DEPDC4: variants seen among roughly 807,000 people sequenced by gnomAD.
The protein encoded by DEPDC4 is DEP domain-containing protein 4.
A neutral mutation model predicts 52.0 loss-of-function variants in DEPDC4; 52 were observed. The observed-to-expected ratio is 1.00, with a 90% confidence interval of 0.80 to 1.26. The LOEUF (loss-of-function observed/expected upper bound fraction) is 1.26. Ranked by LOEUF, DEPDC4 falls within the 50% of genes most tolerant of loss-of-function variation. The probability of loss-of-function intolerance (pLI) is 0.00; values close to 1 mark genes in which losing one functional copy is unlikely to be tolerated. For missense variants in DEPDC4, 530 were observed against 546.9 expected, an observed-to-expected ratio of 0.97 and a Z score of 0.31; for synonymous variants, 201 against 196.8, an observed-to-expected ratio of 1.02 and a Z score of -0.18.
At chr12:100,232,175 T>C (rs775379794) in intron 9 of DEPDC4, among the ~76,000 whole-genome samples, 1 of 152,020 alleles carries the variant, frequency 6.6e-6, no homozygotes, top group East Asian at 1.9e-4. Flanking sequence ...GCAGATCACC[T>C]GAGGTCAGGA....
the DEPDC4 span, among the ~76,000 whole-genome samples, chr12:100,273,083 T>A: frequency 6.6e-6 from 1 of 152,136 alleles, no homozygotes; most frequent in Non-Finnish European, 1.5e-5. Flanking sequence ...AGTATATCTT[T>A]CACTCTGCTT....
chr12:100,276,582 C>T, the DEPDC4 span, among the ~76,000 whole-genome samples: 1 of 152,190 alleles, frequency 6.6e-6, no homozygotes, highest in African/African-American at 2.4e-5. Context: ...AAGTGATCCT[C>T]CTGCTTTAGT....
At chr12:100,244,104 T>C (rs1224206319) in intron 8 of DEPDC4, among the ~76,000 whole-genome samples, 9 of 62,300 alleles carry the variant, frequency 1.4e-4, no homozygotes, top group African/African-American at 8.8e-4. Context: ...TGTATATATA[T>C]ATATATATAT....
At chr12:100,263,060 C>T (rs2096259237) in intron 2 of DEPDC4, among the ~76,000 whole-genome samples, 1 of 152,158 alleles carries the variant, frequency 6.6e-6, no homozygotes, top group Admixed American at 6.6e-5. Flanking sequence ...CCAGCTCAAG[C>T]GATTCTTGTG....
chr12:100,252,589 T>C (rs375088005), intron 5 of DEPDC4, 53 bp from the exon 6 acceptor site: 4 of 1,509,464 alleles, frequency 2.6e-6, no homozygotes, highest in Non-Finnish European at 3.6e-6. Context: ...ATGGAGAGTA[T>C]AGTAAGTATT....
At chr12:100,266,302 G>A (rs1202778187) in intron 1 of DEPDC4, among the ~76,000 whole-genome samples, 1 of 152,136 alleles carries the variant, frequency 6.6e-6, no homozygotes, top group African/African-American at 2.4e-5. Flanking sequence ...TGTAACAGAA[G>A]TTACCCGTCT....
upstream of DEPDC4, chr12:100,267,932 A>C (rs1163350726): frequency 1.3e-5 from 2 of 152,226 alleles, no homozygotes; most frequent in Non-Finnish European, 2.9e-5. Context: ...TGGGTGGGGC[A>C]GGGGTTTTGT....
At chr12:100,232,066 A>G (rs550847591) in intron 9 of DEPDC4, among the ~76,000 whole-genome samples, 2 of 152,340 alleles carry the variant, frequency 1.3e-5, no homozygotes, top group African/African-American at 4.8e-5. Context: ...GGAAAATGCT[A>G]ATAGAAACTT....
chr12:100,267,157 C>A (rs2096278104), upstream of DEPDC4: 2 of 1,475,970 alleles, frequency 1.4e-6, no homozygotes, highest in East Asian at 2.3e-5. Context: ...GACGTCATGC[C>A]CCCGGCCGGC....
the DEPDC4 span, among the ~76,000 whole-genome samples, chr12:100,281,268 A>G: frequency 6.6e-6 from 1 of 151,970 alleles, no homozygotes. Context: ...AGCTCAAGTG[A>G]TCCACCTCCA....
intron 7 of DEPDC4, 83 bp downstream of exon 7, chr12:100,252,093 T>A: frequency 4.7e-6 from 5 of 1,062,850 alleles, no homozygotes; most frequent in Non-Finnish European, 4.6e-6. Context: ...CTTAGTAAAT[T>A]ATTTACTAAG....
chr12:100,268,583 T>C (rs1488515868), upstream of DEPDC4, among the ~76,000 whole-genome samples: 1 of 152,236 alleles, frequency 6.6e-6, no homozygotes, highest in Non-Finnish European at 1.5e-5. Flanking sequence ...TCATTCTCTT[T>C]AGATTTACAT....
chr12:100,237,091 T>A (rs771828957), downstream of DEPDC4, among the ~76,000 whole-genome samples: 1 of 152,212 alleles, frequency 6.6e-6, no homozygotes, highest in Non-Finnish European at 1.5e-5. Context: ...TATGGCCTTA[T>A]AGTATAGTTT....
upstream of DEPDC4, chr12:100,267,103 C>T (rs1404778328): frequency 6.2e-7 from 1 of 1,608,514 alleles, no homozygotes; most frequent in African/African-American, 1.3e-5. Flanking sequence ...ACACCCGGGG[C>T]GGAGAGAAGT....
chr12:100,279,447 T>C, the DEPDC4 span, among the ~76,000 whole-genome samples: 2 of 152,240 alleles, frequency 1.3e-5, no homozygotes, highest in Non-Finnish European at 2.9e-5. Flanking sequence ...TCTACTGTTG[T>C]ATAAGTCACA....
chr12:100,266,250 T>TA (rs991178249), intron 1 of DEPDC4, among the ~76,000 whole-genome samples: 2 of 152,068 alleles, frequency 1.3e-5, no homozygotes, highest in African/African-American at 2.4e-5. Flanking sequence ...ATGTTTACGA[T>TA]AAAATGACAG....
intron 7 of DEPDC4, among the ~76,000 whole-genome samples, chr12:100,249,337 C>A (rs1231628317): frequency 6.6e-6 from 1 of 152,078 alleles, no homozygotes; most frequent in Non-Finnish European, 1.5e-5. Context: ...CTAAAATACA[C>A]TAAAATTATT....
At chr12:100,272,352 A>G in the DEPDC4 span, among the ~76,000 whole-genome samples, 1 of 152,184 alleles carries the variant, frequency 6.6e-6, no homozygotes, top group African/African-American at 2.4e-5. Context: ...TTATATGTCA[A>G]ATGGCTATGC....
At chr12:100,268,484 ACTT>A (rs1364523902), upstream of DEPDC4, among the ~76,000 whole-genome samples, 1 of 152,086 alleles carries the variant, frequency 6.6e-6, no homozygotes, top group East Asian at 1.9e-4. Flanking sequence ...TATATAAATT[ACTT>A]CTTGAGGCAA....
Sources: gnomAD v4.1 joint callset for allele counts (sites outside exome capture counted in the v4.1 genomes callset) on GRCh38, gnomAD v4.1.1 for gene constraint, MANE v1.5 for transcripts, NCBI Gene and HGNC (gene_info 2026-07-23, HGNC 2026-07-21) for gene names.